Variants in CSMD1 observed in about 807,000 individuals in gnomAD.
The protein encoded by CSMD1 is CUB and sushi domain-containing protein 1.
Under a neutral mutation model 417.5 loss-of-function variants are expected in CSMD1, and 213 were observed. That is an observed-to-expected ratio of 0.51 (90% CI 0.46 to 0.57). The LOEUF is 0.57. Ranked by LOEUF, CSMD1 falls within the 20% of genes least tolerant of loss-of-function variation. The pLI is 0.00. For synonymous variants in CSMD1, 2,862 were observed against 1,736.8 expected, an observed-to-expected ratio of 1.65 and a Z score of -16.11; for missense variants, 6,923 against 4,529.7, an observed-to-expected ratio of 1.53 and a Z score of -15.17.
intron 3 of CSMD1, among the ~76,000 whole-genome samples, chr8:4,075,903 C>T (rs1799796956): frequency 1.3e-5 from 2 of 152,218 alleles, no homozygotes; most frequent in African/African-American, 4.8e-5. Flanking sequence ...TGGAATCTTT[C>T]CCAATCCACT....
At chr8:4,220,264 G>C (rs1800947351) in intron 3 of CSMD1, among the ~76,000 whole-genome samples, 1 of 152,184 alleles carries the variant, frequency 6.6e-6, no homozygotes, top group Non-Finnish European at 1.5e-5. Flanking sequence ...AGATAACTTA[G>C]AGATACTTGT....
chr8:4,627,011 C>A (rs200212897), intron 2 of CSMD1, among the ~76,000 whole-genome samples: 2 of 152,212 alleles, frequency 1.3e-5, no homozygotes, highest in Middle Eastern at 3.4e-3. Context: ...TTGCTTCATA[C>A]TCTAAGTAAT....
At chr8:2,959,686 T>C (rs1262768341) in intron 62 of CSMD1, among the ~76,000 whole-genome samples, 2 of 152,178 alleles carry the variant, frequency 1.3e-5, no homozygotes, top group African/African-American at 4.8e-5. Flanking sequence ...AAGATTAACA[T>C]AGCCTAACAC....
intron 2 of CSMD1, among the ~76,000 whole-genome samples, chr8:4,422,280 T>A (rs185436773): frequency 2.6e-5 from 4 of 152,110 alleles, no homozygotes; most frequent in Non-Finnish European, 5.9e-5. Context: ...GCTTTTGTAG[T>A]AATTTTGTGG....
chr8:3,569,070 A>T (rs1427151036), intron 10 of CSMD1, among the ~76,000 whole-genome samples: 1 of 152,196 alleles, frequency 6.6e-6, no homozygotes, highest in Non-Finnish European at 1.5e-5. Flanking sequence ...CATATCATAT[A>T]ATATTACTTT....
At chr8:4,905,578 G>C (rs546030440) in intron 1 of CSMD1, among the ~76,000 whole-genome samples, 1 of 151,942 alleles carries the variant, frequency 6.6e-6, no homozygotes, top group Non-Finnish European at 1.5e-5. Flanking sequence ...CCAGCACTTT[G>C]GGAGGCCAAG....
intron 3 of CSMD1, among the ~76,000 whole-genome samples, chr8:4,149,155 G>A (rs909095393): frequency 1.1e-4 from 16 of 151,930 alleles, no homozygotes; most frequent in African/African-American, 3.4e-4. Context: ...GTAGAGACAG[G>A]GTTTTCCCAT....
chr8:4,601,250 C>G (rs1004498053), intron 2 of CSMD1, among the ~76,000 whole-genome samples: 9 of 152,200 alleles, frequency 5.9e-5, no homozygotes, highest in African/African-American at 2.2e-4. Flanking sequence ...GCCACCGCAC[C>G]TGGCCAGATT....
chr8:4,390,508 T>TATTTATTTATTTATTTA (rs1803775071), intron 3 of CSMD1, among the ~76,000 whole-genome samples: 1 of 147,302 alleles, frequency 6.8e-6, no homozygotes, highest in Non-Finnish European at 1.5e-5. Context: ...TTTATTTATT[T>TATTTATTTATTTATTTA]ATTTATTTAT....
Position 3,575,050 on chromosome 8 carries a change from G to A in CSMD1, c.1239C>T (p.Ser413=), listed in dbSNP as rs75083304. Residue 413 remains serine (S), a synonymous_variant, in exon 10 of 70, where the codon TCC becomes TCT. Coordinates refer to ENST00000635120, the MANE Select transcript of CSMD1 (RefSeq NM_033225.6). ...TGACGCCGCTGGGCCCACGCAGATT[G>A]GATCCACATGTTCTCGCTGGAAACA... ...RPICRARTCG[S]NLRGPSGVIT... is the part of the protein sequence containing the mutation. 9.9e-5 allele frequency: 160 copies of A among 1,613,166 alleles called. No homozygotes were observed. The African/African-American group carries it at 1.8e-3, about 18-fold the overall frequency.
At chr8:3,543,979 C>T (rs1235760114) in intron 10 of CSMD1, among the ~76,000 whole-genome samples, 1 of 152,072 alleles carries the variant, frequency 6.6e-6, no homozygotes, top group African/African-American at 2.4e-5. Flanking sequence ...CAGAAAGAGT[C>T]AGATAGGAAG....
intron 1 of CSMD1, among the ~76,000 whole-genome samples, chr8:4,881,322 A>C (rs1237272325): frequency 6.6e-6 from 1 of 152,056 alleles, no homozygotes; most frequent in Non-Finnish European, 1.5e-5. Flanking sequence ...TTTTTATTTG[A>C]ATACATAATA....
chr8:3,448,495 T>G (rs1815478258), intron 12 of CSMD1, among the ~76,000 whole-genome samples: 1 of 117,854 alleles, frequency 8.5e-6, no homozygotes, highest in Admixed American at 9.1e-5. Context: ...AAAGGTGACT[T>G]TTTCCCTGAA....
At chr8:3,360,178 G>C (rs1585050768) in intron 20 of CSMD1, among the ~76,000 whole-genome samples, 1 of 152,278 alleles carries the variant, frequency 6.6e-6, no homozygotes, top group South Asian at 2.1e-4. Context: ...ATGTGAGATT[G>C]AAAAGTAGTA....
chr8:4,635,532 A>G (rs1362012399), intron 2 of CSMD1, among the ~76,000 whole-genome samples: 1 of 152,170 alleles, frequency 6.6e-6, no homozygotes, highest in Non-Finnish European at 1.5e-5. Flanking sequence ...AAATGGAAAC[A>G]TTTTTAAGAG....
intron 3 of CSMD1, among the ~76,000 whole-genome samples, chr8:4,271,057 C>T (rs772402798): frequency 1.8e-4 from 27 of 152,292 alleles, no homozygotes; most frequent in Non-Finnish European, 2.8e-4. Context: ...CCTAGAAGAG[C>T]TGGTGCAGAA....
intron 3 of CSMD1, among the ~76,000 whole-genome samples, chr8:4,283,183 C>T (rs898690040): frequency 1.3e-5 from 2 of 152,122 alleles, no homozygotes; most frequent in African/African-American, 4.8e-5. Flanking sequence ...TTTTTTACAA[C>T]ATTTAAAAAT....
chr8:3,963,071 C>G (rs1381581977), intron 5 of CSMD1, among the ~76,000 whole-genome samples: 2 of 152,050 alleles, frequency 1.3e-5, no homozygotes, highest in Non-Finnish European at 2.9e-5. Flanking sequence ...GCTGAGATTA[C>G]AGGTATGCAC....
At chr8:4,118,746 A>G (rs576567149) in intron 3 of CSMD1, among the ~76,000 whole-genome samples, 3 of 152,330 alleles carry the variant, frequency 2.0e-5, no homozygotes, top group African/African-American at 7.2e-5. Context: ...TACTGGGTAT[A>G]TGCCCAAAGG....
Sources: gnomAD v4.1 joint callset for allele counts (sites outside exome capture counted in the v4.1 genomes callset) on GRCh38, gnomAD v4.1.1 for gene constraint, MANE v1.5 for transcripts, NCBI Gene and HGNC (gene_info 2026-07-23, HGNC 2026-07-21) for gene names.